The following ADARB2 variants were observed in gnomAD, a reference collection of about 807,000 sequenced individuals.
The protein encoded by ADARB2 is adenosine deaminase RNA specific B2 (inactive).
ADARB2 carries 25 observed loss-of-function variants against 62.2 expected under a neutral mutation model. That is an observed-to-expected ratio of 0.40 (90% CI 0.29 to 0.56). The LOEUF (loss-of-function observed/expected upper bound fraction) is 0.56. Among genes scored for constraint, ADARB2 ranks in the 20% least tolerant of loss-of-function variants. The probability of loss-of-function intolerance (pLI) is 0.43; values close to 1 mark genes in which losing one functional copy is unlikely to be tolerated. For synonymous variants in ADARB2, 572 were observed against 500.8 expected, an observed-to-expected ratio of 1.14 and a Z score of -1.90; for missense variants, 1,071 against 1,077.4, an observed-to-expected ratio of 0.99 and a Z score of 0.08.
chr10:1,464,322 A>T (rs1475938056), intron 1 of ADARB2, among the ~76,000 whole-genome samples: 2 of 136,684 alleles, frequency 1.5e-5, no homozygotes, highest in African/African-American at 5.6e-5. Flanking sequence ...GCCGGAGAAG[A>T]GGGTGGACAC....
At chr10:1,454,583 GACAA>G (rs1396338224) in intron 1 of ADARB2, among the ~76,000 whole-genome samples, 1 of 152,132 alleles carries the variant, frequency 6.6e-6, no homozygotes, top group Non-Finnish European at 1.5e-5. Flanking sequence ...GTCACAAAAG[GACAA>G]ACAATGAACA....
At chr10:1,581,606 C>G (rs973153605) in intron 1 of ADARB2, among the ~76,000 whole-genome samples, 1 of 152,146 alleles carries the variant, frequency 6.6e-6, no homozygotes, top group Non-Finnish European at 1.5e-5. Context: ...ATACTACTCA[C>G]CTCATGGATA....
intron 6 of ADARB2, among the ~76,000 whole-genome samples, chr10:1,232,163 A>C (rs1830810066): frequency 6.6e-6 from 1 of 151,596 alleles, no homozygotes; most frequent in South Asian, 2.1e-4. Context: ...CACCACACAC[A>C]TAGCACACAC....
chr10:1,505,039 G>A (rs567952333), intron 1 of ADARB2, among the ~76,000 whole-genome samples: 9 of 150,826 alleles, frequency 6.0e-5, no homozygotes, highest in Non-Finnish European at 1.2e-4. Flanking sequence ...AGCCACACAT[G>A]CACGACACAC....
chr10:1,472,908 T>C (rs1287758119), intron 1 of ADARB2, among the ~76,000 whole-genome samples: 1 of 151,946 alleles, frequency 6.6e-6, no homozygotes, highest in Non-Finnish European at 1.5e-5. Context: ...CTCTCTACGG[T>C]AATAGTTGGT....
intron 1 of ADARB2, among the ~76,000 whole-genome samples, chr10:1,408,560 C>T (rs978309040): frequency 2.0e-5 from 3 of 152,178 alleles, no homozygotes; most frequent in South Asian, 2.1e-4. Flanking sequence ...CAGGGCCACC[C>T]GTCCAGCATG....
chr10:1,192,166 T>G (rs1836853448), intron 8 of ADARB2, among the ~76,000 whole-genome samples: 2 of 152,250 alleles, frequency 1.3e-5, no homozygotes, highest in South Asian at 4.1e-4. Context: ...CAAGGTAACT[T>G]ACTTTCCCAA....
intron 7 of ADARB2, among the ~76,000 whole-genome samples, chr10:1,210,997 C>G (rs1307698697): frequency 6.6e-6 from 1 of 152,164 alleles, no homozygotes; most frequent in Non-Finnish European, 1.5e-5. Flanking sequence ...TCTGGGCACT[C>G]TCCCTGCCAG....
rs1832286930 is a variant in ADARB2, at chr10:1,363,816, TCGCGCCGGG to T, written c.280_288del (p.Pro94_Ala96del). 5 of 1,587,528 alleles carry T rather than the reference TCGCGCCGGG, an allele frequency of 3.1e-6. No individual in the cohort carries two copies. The highest frequency in any genetic ancestry group is 1.7e-4 in the Middle Eastern group (1 of 6,052). On this transcript the variant is annotated inframe_deletion, in exon 3 of 10. Coordinates refer to ENST00000381312, the MANE Select transcript of ADARB2 (RefSeq NM_018702.4). Reference sequence around the variant, plus strand: ...CCCTCCTCCAGCGGCCGCTTCCTCTTCGCGCCGGGCGCGCCGCCCCGGGCCCGGTCCCCG... The same window carrying T: ...CCCTCCTCCAGCGGCCGCTTCCTCTTCGCGCCGCCCCGGGCCCGGTCCCCG...
intron 1 of ADARB2, among the ~76,000 whole-genome samples, chr10:1,502,418 G>C (rs1018718083): frequency 1.1e-4 from 16 of 152,230 alleles, no homozygotes; most frequent in Admixed American, 9.8e-4. Flanking sequence ...TCTCTCAAAA[G>C]CAATAAAAGG....
At chr10:1,510,996 G>A (rs372498228) in intron 1 of ADARB2, among the ~76,000 whole-genome samples, 2 of 152,144 alleles carry the variant, frequency 1.3e-5, no homozygotes, top group Non-Finnish European at 2.9e-5. Flanking sequence ...GGGACTATAG[G>A]TGCATGCTAC....
chr10:1,191,479 C>T (rs74320676), intron 8 of ADARB2, among the ~76,000 whole-genome samples: 2,231 of 152,138 alleles, frequency 0.015, 58 homozygotes, highest in African/African-American at 0.05. Flanking sequence ...CAGGGTCGGG[C>T]CCCACGTTTT....
chr10:1,462,874 G>A (rs955478854), intron 1 of ADARB2, among the ~76,000 whole-genome samples: 4 of 152,242 alleles, frequency 2.6e-5, no homozygotes, highest in African/African-American at 9.6e-5. Context: ...GTGAATGTAT[G>A]TGCATGAGTG....
intron 1 of ADARB2, among the ~76,000 whole-genome samples, chr10:1,572,103 G>C (rs867486105): frequency 8.0e-5 from 12 of 150,206 alleles, no homozygotes; most frequent in African/African-American, 2.5e-4. Flanking sequence ...GAGTGTGCAG[G>C]TGAGTGGACA....
chr10:1,725,730 G>T (rs886487034), intron 1 of ADARB2, among the ~76,000 whole-genome samples: 6 of 152,212 alleles, frequency 3.9e-5, no homozygotes, highest in Non-Finnish European at 8.8e-5. Context: ...CCGCAGATGC[G>T]TTTTTTGTTA....
intron 1 of ADARB2, among the ~76,000 whole-genome samples, chr10:1,404,310 G>T (rs1415368293): frequency 1.3e-5 from 2 of 152,226 alleles, no homozygotes; most frequent in Admixed American, 1.3e-4. Flanking sequence ...TGCCCAGGCT[G>T]GTCTCGCAGG....
intron 4 of ADARB2, among the ~76,000 whole-genome samples, chr10:1,268,707 AGT>A (rs986483383): frequency 5.3e-5 from 8 of 152,222 alleles, no homozygotes; most frequent in African/African-American, 1.7e-4. Context: ...TTTTAAAATC[AGT>A]GTTTGTCTCT....
intron 3 of ADARB2, among the ~76,000 whole-genome samples, chr10:1,284,204 C>T (rs974390964): frequency 2.0e-5 from 3 of 152,162 alleles, no homozygotes; most frequent in Admixed American, 1.3e-4. Context: ...GAAGCTCAGA[C>T]GTTACCCAGG....
intron 3 of ADARB2, among the ~76,000 whole-genome samples, chr10:1,287,586 A>C (rs1372593480): frequency 6.6e-6 from 1 of 152,182 alleles, no homozygotes; most frequent in African/African-American, 2.4e-5. Flanking sequence ...AGCCATGCAC[A>C]TAGATGCTGG....
Sources: allele counts gnomAD v4.1 joint callset (sites outside exome capture counted in the v4.1 genomes callset), GRCh38; gene constraint gnomAD v4.1.1; transcripts MANE v1.5; gene names NCBI Gene and HGNC (gene_info 2026-07-23, HGNC 2026-07-21).